The following LY75 variants were observed in gnomAD, a reference collection of about 807,000 sequenced individuals.
The protein encoded by LY75 is lymphocyte antigen 75.
In LY75, 185 loss-of-function variants were observed where a neutral mutation model predicts 231.7. That is an observed-to-expected ratio of 0.80 (90% CI 0.71 to 0.90). The LOEUF is 0.90. Ranked by LOEUF, LY75 falls within the 40% of genes least tolerant of loss-of-function variation. The pLI, the probability that LY75 is intolerant of heterozygous loss-of-function variation, is 0.00. For missense variants in LY75, 1,947 were observed against 2,050.2 expected (o/e 0.95, Z 0.97); for synonymous variants, 668 against 689.0 (o/e 0.97, Z 0.48).
intron 1 of LY75, 96 bp downstream of exon 1, chr2:159,904,493 T>G (rs1686178609): frequency 7.6e-7 from 1 of 1,321,264 alleles, no homozygotes; most frequent in Non-Finnish European, 9.9e-7. Flanking sequence ...AGCCGTGACC[T>G]GCCCCAGGGG....
intron 28 of LY75, among the ~76,000 whole-genome samples, chr2:159,824,156 A>G (rs947847118): frequency 1.3e-5 from 2 of 152,236 alleles, no homozygotes; most frequent in Non-Finnish European, 2.9e-5. Flanking sequence ...CGACTGGCAA[A>G]TTGGATAAAG....
chr2:159,847,285 A>T (rs1483946018), intron 23 of LY75, among the ~76,000 whole-genome samples: 1 of 152,130 alleles, frequency 6.6e-6, no homozygotes, highest in Non-Finnish European at 1.5e-5. Context: ...AAGTGCTAGG[A>T]TTACAGGCAT....
At chr2:159,872,734 A>G (rs947770271) in intron 12 of LY75, 141 bp from the exon 13 acceptor site, 29 of 873,922 alleles carry the variant, frequency 3.3e-5, no homozygotes, top group Non-Finnish European at 4.4e-5. Context: ...ATGCACATAT[A>G]CTGAGACACA....
intron 23 of LY75, among the ~76,000 whole-genome samples, chr2:159,843,169 G>A (rs78522843): frequency 0.15 from 22,500 of 151,518 alleles, 1,998 homozygotes; most frequent in East Asian, 0.35. Flanking sequence ...AGAACCCCAC[G>A]AAAAATGGGG....
chr2:159,805,285 T>C (rs1682759460), intron 34 of LY75, 63 bp from the exon 35 acceptor site: 5 of 1,279,818 alleles, frequency 3.9e-6, no homozygotes, highest in East Asian at 2.3e-5. Context: ...ATTGATTTTA[T>C]ACATTATGGG....
At position 159,819,920 on chromosome 2, in the gene LY75, T is replaced by C. The variant is rs114325972; in HGVS notation, c.3959A>G (p.Asn1320Ser). The change falls in exon 29 of 35, where the codon AAT becomes AGT. Residue 1320 changes from asparagine (N) to serine (S), a missense_variant and splice_region_variant. Physicochemically the swap from Asn to Ser is conservative, Grantham distance 46 (BLOSUM62 1). Coordinates refer to ENST00000263636, the MANE Select transcript of LY75 (RefSeq NM_002349.4). ...CTTATCAAACCACATAAGAGACTTA[T>C]CTAGAGAAGAAACATTTTTTCCTAT... is the stretch of plus-strand genomic sequence containing the variant. ...SWVMLGITYRNKSLMWFDKTP... is the reference protein window; with the variant it reads ...SWVMLGITYRSKSLMWFDKTP... The C allele has an allele frequency of 4.3e-4, 666 of 1,535,568 alleles. 2 individuals carry two copies. The African/African-American group carries it at 9.6e-3, about 22-fold the overall frequency.
intron 1 of LY75, among the ~76,000 whole-genome samples, chr2:159,904,026 A>C (rs1276999039): frequency 6.6e-6 from 1 of 152,204 alleles, no homozygotes; most frequent in Non-Finnish European, 1.5e-5. Context: ...TGAGGGCATC[A>C]TAGCTGACTC....
intron 27 of LY75, among the ~76,000 whole-genome samples, chr2:159,833,442 C>A (rs1039164291): frequency 2.0e-5 from 3 of 152,120 alleles, no homozygotes; most frequent in Admixed American, 6.6e-5. Context: ...TAAAGGAGAA[C>A]CTGCCTTCCT....
Position 159,834,197 on chromosome 2 carries a change from CT to C in LY75, c.3687del (p.Glu1230ArgfsTer15). ...ICYYSGNETE[K>X]EVKPVDSVKC... ...TTAACACTGTCAACTGGTTTGACCT[CT>C]TTTTCAGTCTCATCTAGAAAAAGAG... On this transcript the variant is annotated frameshift_variant, in exon 27 of 35. Coordinates refer to ENST00000263636, the MANE Select transcript of LY75 (RefSeq NM_002349.4). LOFTEE classifies it high-confidence loss of function. 6.2e-7 allele frequency: 1 copy of C among 1,613,420 alleles called. No individual in the cohort carries two copies. Among genetic ancestry groups the C allele is most frequent in the Non-Finnish European group, 8.5e-7 (1 of 1,179,752 alleles).
chr2:159,849,627 C>A (rs1684320883), intron 23 of LY75, among the ~76,000 whole-genome samples: 1 of 152,162 alleles, frequency 6.6e-6, no homozygotes, highest in African/African-American at 2.4e-5. Flanking sequence ...ACCTGTTGTT[C>A]TTGCAACAGC....
intron 14 of LY75, among the ~76,000 whole-genome samples, chr2:159,861,663 A>G (rs910136138): frequency 3.3e-5 from 5 of 152,168 alleles, no homozygotes; most frequent in Admixed American, 6.6e-5. Context: ...AATTGAACCC[A>G]GGAGGTTGAG....
In LY75 at chr2:159,894,015, C is replaced by T; in HGVS notation, c.536G>A (p.Trp179Ter). Residue 179 changes from tryptophan (W) to a stop codon, truncating the protein, a stop_gained, in exon 3 of 35, where the codon TGG becomes TAG. Coordinates refer to ENST00000263636, the MANE Select transcript of LY75 (RefSeq NM_002349.4). LOFTEE classifies it high-confidence loss of function. ...TTCATCAAGAATGCAATCATGATGC[C>T]AGGTCCCATCAATTAAGAATGGAAA... ...CEFPFLIDGT[W>*]HHDCILDEDH... 1.2e-6 allele frequency: 2 copies of T among 1,613,894 alleles called. No individual in the cohort carries two copies. The highest frequency in any genetic ancestry group is 1.7e-6 in the Non-Finnish European group (2 of 1,179,858).
At chr2:159,818,137 AT>A (rs1683178940) in intron 29 of LY75, among the ~76,000 whole-genome samples, 1 of 152,218 alleles carries the variant, frequency 6.6e-6, no homozygotes, top group Non-Finnish European at 1.5e-5. Context: ...ATTTCAAGTA[AT>A]TTATATCGAT....
intron 31 of LY75, 22 bp downstream of exon 31, chr2:159,815,383 G>A (rs1208652516): frequency 6.4e-7 from 1 of 1,574,434 alleles, no homozygotes; most frequent in South Asian, 1.2e-5. Context: ...TAAATGTACT[G>A]TTACTGAAAT....
rs771164142 is a variant in LY75, at chr2:159,831,789, G to T, written c.3842-3C>A. ...ACTCAGAATATGTGATTTTGGATCTGTTGAATAAAAAATAATCAATAATTT... is the reference window on the plus strand; with the variant it reads ...ACTCAGAATATGTGATTTTGGATCTTTTGAATAAAAAATAATCAATAATTT... On this transcript the variant is annotated splice_region_variant and splice_polypyrimidine_tract_variant and intron_variant, in intron 27 of 34. Coordinates refer to ENST00000263636, the MANE Select transcript of LY75 (RefSeq NM_002349.4). 2.5e-6 allele frequency: 4 copies of T among 1,592,476 alleles called. No homozygotes were observed. The East Asian group carries it at 9.0e-5, about 36-fold the overall frequency.
At chr2:159,810,773 T>C (rs2125827918) in intron 31 of LY75, 98 bp from the exon 32 acceptor site, 1 of 1,535,318 alleles carries the variant, frequency 6.5e-7, no homozygotes, top group Non-Finnish European at 8.8e-7. Flanking sequence ...GTTGCGTTTG[T>C]GGTTGAGTAG....
intron 25 of LY75, among the ~76,000 whole-genome samples, chr2:159,836,376 T>G (rs1054081935): frequency 6.6e-6 from 1 of 152,148 alleles, no homozygotes; most frequent in Non-Finnish European, 1.5e-5. Flanking sequence ...AGAAGCTTCT[T>G]CATTCACTAG....
chr2:159,823,650 A>G (rs56119444), intron 28 of LY75, among the ~76,000 whole-genome samples: 37,240 of 152,018 alleles, frequency 0.24, 6,046 homozygotes, highest in Non-Finnish European at 0.37. Context: ...ATAATCATCA[A>G]ATTTACCAAG....
At chr2:159,821,490 T>A (rs1370956157) in intron 28 of LY75, among the ~76,000 whole-genome samples, 1 of 151,398 alleles carries the variant, frequency 6.6e-6, no homozygotes, top group South Asian at 2.1e-4. Flanking sequence ...GTGGCGGTTG[T>A]CTGTAATACC....
Sources: allele counts gnomAD v4.1 joint callset (sites outside exome capture counted in the v4.1 genomes callset), GRCh38; gene constraint gnomAD v4.1.1; transcripts MANE v1.5; gene names NCBI Gene and HGNC (gene_info 2026-07-23, HGNC 2026-07-21).